Variants in PIWIL2 observed in about 807,000 individuals in gnomAD.
The protein encoded by PIWIL2 is piwi like RNA-mediated gene silencing 2, also known as piwi-like protein 2.
In PIWIL2, 81 loss-of-function variants were observed where a neutral mutation model predicts 116.5. That is an observed-to-expected ratio of 0.70 (90% CI 0.58 to 0.84). The LOEUF (loss-of-function observed/expected upper bound fraction) is 0.84, where lower values mean the gene tolerates loss of function less well. PIWIL2 is among the 40% of genes least tolerant of loss of function. The probability of loss-of-function intolerance (pLI) is 0.00; values close to 1 mark genes in which losing one functional copy is unlikely to be tolerated. For missense variants in PIWIL2, 1,272 were observed against 1,212.3 expected, an observed-to-expected ratio of 1.05 and a Z score of -0.73; for synonymous variants, 489 against 429.5, an observed-to-expected ratio of 1.14 and a Z score of -1.71.
At chr8:22,276,222 C>T (rs1830364679) in intron 1 of PIWIL2, among the ~76,000 whole-genome samples, 2 of 152,216 alleles carry the variant, frequency 1.3e-5, no homozygotes, top group South Asian at 4.1e-4. Context: ...CCTGAACTGT[C>T]TGCACTTACG....
intron 20 of PIWIL2, among the ~76,000 whole-genome samples, chr8:22,347,656 A>G (rs1256436956): frequency 6.7e-6 from 1 of 150,206 alleles, no homozygotes; most frequent in Admixed American, 6.7e-5. Context: ...CCTCCTGAGT[A>G]TCCGGGATTA....
intron 10 of PIWIL2, among the ~76,000 whole-genome samples, chr8:22,297,227 T>G (rs1830928562): frequency 6.6e-6 from 1 of 152,126 alleles, no homozygotes; most frequent in Non-Finnish European, 1.5e-5. Flanking sequence ...TGGGCTCAAG[T>G]GATTCTCCTA....
At chr8:22,306,137 C>G in intron 13 of PIWIL2, 121 bp downstream of exon 13, 1 of 677,112 alleles carries the variant, frequency 1.5e-6, no homozygotes, top group South Asian at 1.8e-5. Context: ...GTAACCTGGG[C>G]CTGTCCATTC....
At chr8:22,308,142 C>A in intron 14 of PIWIL2, 69 bp downstream of exon 14, 1 of 1,251,066 alleles carries the variant, frequency 8.0e-7, no homozygotes, top group Non-Finnish European at 1.1e-6. Context: ...TGTGACTTTC[C>A]TTTTGTTGTC....
intron 20 of PIWIL2, among the ~76,000 whole-genome samples, chr8:22,341,012 C>T (rs1832095908): frequency 1.3e-5 from 2 of 152,290 alleles, no homozygotes; most frequent in Admixed American, 1.3e-4. Flanking sequence ...TGCACCCTAG[C>T]AAAGATTTGT....
At chr8:22,289,576 T>A (rs568542842) in intron 8 of PIWIL2, among the ~76,000 whole-genome samples, 1 of 152,356 alleles carries the variant, frequency 6.6e-6, no homozygotes, top group Non-Finnish European at 1.5e-5. Flanking sequence ...TGGTGAAAAG[T>A]AACGTAATAA....
chr8:22,289,152 CTTT>C (rs374688951), intron 8 of PIWIL2, among the ~76,000 whole-genome samples: 4 of 135,254 alleles, frequency 3.0e-5, no homozygotes, highest in Admixed American at 7.5e-5. Context: ...TTTCTTTTTT[CTTT>C]TTTTTTTTTT....
intron 14 of PIWIL2, among the ~76,000 whole-genome samples, chr8:22,309,150 C>T (rs559056301): frequency 5.9e-5 from 9 of 151,752 alleles, no homozygotes; most frequent in Admixed American, 3.3e-4. Flanking sequence ...TTAGTAGAGA[C>T]GGGGTTTCAC....
Position 22,281,366 on chromosome 8 carries a change from C to T in PIWIL2, c.287-11C>T. ...TCATAGTCATTGCTGGGGTTCGGTT[C>T]TTTCTTTCAGGTAGAGGCATTTTAG... On this transcript the variant is annotated splice_polypyrimidine_tract_variant and intron_variant, in intron 3 of 22. Transcript: ENST00000356766. 1 of 1,605,526 alleles carries T rather than the reference C, an allele frequency of 6.2e-7. No individual in the cohort carries two copies. Among genetic ancestry groups the T allele is most frequent in the Non-Finnish European group, 8.5e-7 (1 of 1,178,042 alleles).
rs397963368 is a variant in PIWIL2 at position 22,282,074 on chromosome 8, C to CTTTTTT, written c.425+576_425+581dup. On this transcript the variant is annotated intron_variant, in intron 4 of 22. Coordinates refer to ENST00000356766, the MANE Select transcript of PIWIL2 (RefSeq NM_018068.5). The stretch of plus-strand genomic sequence containing the variant: ...AGGCATGAGCCCCACTGTGCGTGGA[C>CTTTTTT]TTTTTTTTTTTTTTTTTTTTTTAAG... Among the ~76,000 whole-genome samples, 190 of 88,796 alleles carry CTTTTTT rather than the reference C, an allele frequency of 2.1e-3. 3 individuals are homozygous for CTTTTTT. The highest frequency in any genetic ancestry group is 3.3e-3 in the Non-Finnish European group (162 of 49,830). The allele number at this position is 88,796 out of a possible 152,430, so 58.3% of individuals were successfully genotyped here. A position where few individuals can be genotyped will look rare whatever the true frequency, so the allele number is the denominator to read the frequency against.
Position 22,356,482 on chromosome 8 carries a change from C to G in PIWIL2, c.*977C>G, listed in dbSNP as rs1832493270. On this transcript the variant is annotated 3_prime_UTR_variant, in exon 23 of 23. Transcript: ENST00000356766. ...ACTTTCCAGCATACCATGACGATTTCTTCCCCAAATATACACATGCTCTTT... is the reference window on the plus strand; with the variant it reads ...ACTTTCCAGCATACCATGACGATTTGTTCCCCAAATATACACATGCTCTTT... 6.6e-6 allele frequency: 1 copy of G among 152,158 alleles called. No individual in the cohort carries two copies. Among genetic ancestry groups the G allele is most frequent in the East Asian group, 1.9e-4 (1 of 5,202 alleles). 9.4% of individuals were successfully genotyped at this position (152,158 alleles called of 1,614,324 possible).
chr8:22,317,951 G>A (rs1051673248), intron 19 of PIWIL2, among the ~76,000 whole-genome samples: 15 of 151,950 alleles, frequency 9.9e-5, no homozygotes, highest in South Asian at 4.2e-4. Context: ...ATGAGCCACC[G>A]CGCTCTGCCA....
intron 20 of PIWIL2, among the ~76,000 whole-genome samples, chr8:22,320,873 G>A (rs1430888265): frequency 1.3e-5 from 2 of 152,082 alleles, no homozygotes; most frequent in East Asian, 1.9e-4. Flanking sequence ...GATTATAGGC[G>A]TGAGCCACCG....
intron 13 of PIWIL2, among the ~76,000 whole-genome samples, chr8:22,306,257 G>A (rs900431896): frequency 2.0e-5 from 3 of 152,112 alleles, no homozygotes; most frequent in African/African-American, 7.2e-5. Context: ...AACAGTAGAG[G>A]GACTGGATTA....
At chr8:22,338,547 C>G (rs994509726) in intron 20 of PIWIL2, among the ~76,000 whole-genome samples, 1 of 152,098 alleles carries the variant, frequency 6.6e-6, no homozygotes, top group Non-Finnish European at 1.5e-5. Flanking sequence ...AAAAGAACAG[C>G]TGGGTGTGGT....
chr8:22,331,760 G>A (rs1344959955), intron 20 of PIWIL2, among the ~76,000 whole-genome samples: 1 of 152,026 alleles, frequency 6.6e-6, no homozygotes, highest in Non-Finnish European at 1.5e-5. Context: ...TCTTTTGGGG[G>A]CCTTGGTCTT....
intron 20 of PIWIL2, among the ~76,000 whole-genome samples, chr8:22,350,641 T>C (rs1195910076): frequency 6.6e-6 from 1 of 152,056 alleles, no homozygotes; most frequent in Non-Finnish European, 1.5e-5. Flanking sequence ...AATCTGAGAC[T>C]GTGAAGATGA....
chr8:22,284,386 A>G (rs1267081948), intron 6 of PIWIL2, 114 bp downstream of exon 6: 3 of 557,668 alleles, frequency 5.4e-6, no homozygotes, highest in Non-Finnish European at 9.4e-6. Flanking sequence ...TCTCAATGCA[A>G]TAATGTGTTT....
rs772930505 is a variant in PIWIL2 at position 22,283,015 on chromosome 8, C to G, written c.426-19C>G. 6 of 1,600,074 alleles carry G rather than the reference C, an allele frequency of 3.7e-6. No homozygotes were observed. Among genetic ancestry groups the G allele is most frequent in the Non-Finnish European group, 4.3e-6 (5 of 1,167,318 alleles). ...GCTATTATAAAAAACCCTGATTTGCCTCTCTCTCCACATTTCAGGACGCTT... is the reference window on the plus strand; with the variant it reads ...GCTATTATAAAAAACCCTGATTTGCGTCTCTCTCCACATTTCAGGACGCTT... On this transcript the variant is annotated intron_variant, in intron 4 of 22. Transcript: ENST00000356766.
Sources: allele counts gnomAD v4.1 joint callset (sites outside exome capture counted in the v4.1 genomes callset), GRCh38; gene constraint gnomAD v4.1.1; transcripts MANE v1.5; gene names NCBI Gene and HGNC (gene_info 2026-07-23, HGNC 2026-07-21).